Variants in SVIL observed in about 807,000 individuals in gnomAD.
SVIL encodes archvillin.
Under a neutral mutation model 240.4 loss-of-function variants are expected in SVIL, and 101 were observed. That is an observed-to-expected ratio of 0.42 (90% CI 0.36 to 0.50). The LOEUF (loss-of-function observed/expected upper bound fraction) is 0.50. Among genes scored for constraint, SVIL ranks in the 20% least tolerant of loss-of-function variants. The pLI, the probability that SVIL is intolerant of heterozygous loss-of-function variation, is 0.01. For synonymous variants in SVIL, 999 were observed against 1,100.0 expected (o/e 0.91, Z 1.82); for missense variants, 2,512 against 2,818.7 (o/e 0.89, Z 2.46).
intron 1 of SVIL, among the ~76,000 whole-genome samples, chr10:29,691,235 G>A (rs575939098): frequency 2.7e-4 from 39 of 146,874 alleles, no homozygotes; most frequent in Non-Finnish European, 4.3e-4. Context: ...TTTTTGAGAC[G>A]GAGTCTCACT....
intron 1 of SVIL, among the ~76,000 whole-genome samples, chr10:29,577,094 G>A (rs1955732728): frequency 6.6e-6 from 1 of 151,938 alleles, no homozygotes; most frequent in African/African-American, 2.4e-5. Context: ...TTGACCAGGA[G>A]GGTCTCGATC....
chr10:29,545,929 C>A (rs1218854229), intron 6 of SVIL, among the ~76,000 whole-genome samples: 1 of 151,444 alleles, frequency 6.6e-6, no homozygotes, highest in African/African-American at 2.4e-5. Context: ...TCATTTCATT[C>A]CCTTTGCCAG....
intron 21 of SVIL, among the ~76,000 whole-genome samples, chr10:29,491,497 C>T (rs1311933475): frequency 5.9e-5 from 9 of 152,222 alleles, no homozygotes; most frequent in Non-Finnish European, 8.8e-5. Flanking sequence ...CAATAGCTTT[C>T]GGTCCCCTTA....
At chr10:29,735,810 C>T (rs1964875243), upstream of SVIL, 1 of 152,034 alleles carries the variant, frequency 6.6e-6, no homozygotes, top group Non-Finnish European at 1.5e-5. This position sits in a 1 kb window ranked among gnomAD's most constrained non-coding sequence, Gnocchi z 4.1. Flanking sequence ...GACAGCGGCT[C>T]GGCGGCCCCG....
At position 29,546,377 on chromosome 10, in the gene SVIL, C is replaced by T. The variant is rs74132322; in HGVS notation, c.827+4220G>A. On this transcript the variant is annotated intron_variant, in intron 6 of 37. Transcript: ENST00000355867. ...CGTTACTATGTGTATTCTTAGTTTT[C>T]TTCAGAGCAATGTGTCCAACTGAAT... Among the ~76,000 whole-genome samples, 987 of 152,230 alleles carry T rather than the reference C, an allele frequency of 6.5e-3. 12 individuals carry two copies. The highest frequency in any genetic ancestry group is 0.022 in the African/African-American group (920 of 41,542).
rs367649707 is a variant in SVIL, at chr10:29,722,421, A to T, written c.-400+13330T>A. The stretch of plus-strand genomic sequence containing the variant: ...GTTAAGAAATTTTGGCTTAACATTG[A>T]CCCAAACTTTCTTCCAAAAAGCTAG... On this transcript the variant is annotated intron_variant, in intron 1 of 35. Transcript: ENST00000375400. 3.9e-5 allele frequency among the ~76,000 whole-genome samples: 6 copies of T among 152,200 alleles called. No individual in the cohort carries two copies. The East Asian group carries it at 1.2e-3, about 29-fold the overall frequency.
At chr10:29,630,668 G>T (rs1330308874) in intron 1 of SVIL, among the ~76,000 whole-genome samples, 1 of 151,938 alleles carries the variant, frequency 6.6e-6, no homozygotes, top group Non-Finnish European at 1.5e-5. Context: ...AAAAGCACGT[G>T]TACAGAAACC....
intron 1 of SVIL, among the ~76,000 whole-genome samples, chr10:29,590,165 CAAAAAAAAAAAAAAAAA>C (rs58469441): frequency 2.1e-4 from 17 of 79,668 alleles, no homozygotes; most frequent in Admixed American, 8.3e-4. Flanking sequence ...GACTCCGTCT[CAAAAAAAAAAAAAAAAA>C]AAAAAAAAAA....
intron 1 of SVIL, among the ~76,000 whole-genome samples, chr10:29,607,059 CATTG>C (rs1168554225): frequency 1.3e-5 from 2 of 152,204 alleles, no homozygotes; most frequent in Admixed American, 1.3e-4. Flanking sequence ...CTGGCCTACA[CATTG>C]AACTATTTAA....
intron 12 of SVIL, 109 bp from the exon 13 acceptor site, chr10:29,527,165 A>G (rs1393575927): frequency 6.9e-6 from 7 of 1,018,484 alleles, no homozygotes; most frequent in Non-Finnish European, 1.4e-6. Context: ...AAATTTTAAC[A>G]GAATATTTTG....
intron 6 of SVIL, among the ~76,000 whole-genome samples, chr10:29,538,813 C>A (rs934851685): frequency 6.6e-6 from 1 of 152,118 alleles, no homozygotes; most frequent in Non-Finnish European, 1.5e-5. Context: ...TATTGGGATG[C>A]GACCCCATTC....
intron 23 of SVIL, chr10:29,487,623 G>A (rs560067574): frequency 5.8e-4 from 128 of 219,362 alleles, no homozygotes; most frequent in Non-Finnish European, 1.1e-3. Flanking sequence ...CTCTTCTCCC[G>A]GGGCCTTTCT....
intron 6 of SVIL, among the ~76,000 whole-genome samples, chr10:29,542,575 G>C (rs1952259440): frequency 6.6e-6 from 1 of 151,840 alleles, no homozygotes; most frequent in Non-Finnish European, 1.5e-5. Context: ...GTATTTATGG[G>C]GTATCTGAGA....
chr10:29,470,573 G>A (rs561546170), intron 31 of SVIL, 90 bp from the exon 32 acceptor site: 1 of 1,464,488 alleles, frequency 6.8e-7, no homozygotes, highest in Admixed American at 1.9e-5. Flanking sequence ...TGTCGTCCAA[G>A]GCAGCCACCT....
chr10:29,688,112 G>T (rs183728757), intron 1 of SVIL, among the ~76,000 whole-genome samples: 3 of 152,246 alleles, frequency 2.0e-5, no homozygotes, highest in African/African-American at 4.8e-5. Flanking sequence ...TAATTATAAT[G>T]GTTGAACAAA....
At chr10:29,554,754 G>A in intron 5 of SVIL, 29 bp downstream of exon 5, 2 of 1,509,830 alleles carry the variant, frequency 1.3e-6, no homozygotes, top group Non-Finnish European at 1.8e-6. Flanking sequence ...CAGCCTGCTG[G>A]AAAATGGGCC....
At chr10:29,579,340 A>T (rs773334406) in intron 1 of SVIL, among the ~76,000 whole-genome samples, 4 of 152,208 alleles carry the variant, frequency 2.6e-5, no homozygotes, top group Non-Finnish European at 4.4e-5. Context: ...CGGGAGGCTG[A>T]GACAGGAGAA....
At position 29,467,744 on chromosome 10, in the gene SVIL, T is replaced by C. The variant is rs1242845755; in HGVS notation, c.5975A>G (p.Gln1992Arg). 6.2e-7 allele frequency: 1 copy of C among 1,613,952 alleles called. No individual in the cohort carries two copies. The highest frequency in any genetic ancestry group is 2.2e-5 in the East Asian group (1 of 44,892). The change falls in exon 33 of 38, where the codon CAA (glutamine) becomes CGA (arginine). Residue 1992 changes from glutamine to arginine, a missense_variant and splice_region_variant. This residue lies in a region of SVIL where 797 missense variants were observed against 925.3 expected (regional missense o/e 0.86). Coordinates refer to ENST00000355867, the MANE Select transcript of SVIL (RefSeq NM_021738.3). ...GCAGACTGTGGATGCCACATTACCT[T>C]GAAGCATGCAATCGTAGGCTTTCCT... The part of the protein sequence containing the change: ...RDRKAYDCML[Q>R]DPGSFNFAPR...
intron 29 of SVIL, 80 bp from the exon 30 acceptor site, chr10:29,474,069 G>A (rs1945894459): frequency 1.3e-6 from 2 of 1,533,334 alleles, no homozygotes; most frequent in African/African-American, 1.4e-5. Flanking sequence ...CACTTTCCCC[G>A]GGCCTGCAAG....
Sources: allele counts gnomAD v4.1 joint callset (sites outside exome capture counted in the v4.1 genomes callset), GRCh38; gene constraint gnomAD v4.1.1; regional missense constraint gnomAD v4.1.1; non-coding constraint Gnocchi (gnomAD v3.1); transcripts MANE v1.5; gene names NCBI Gene and HGNC (gene_info 2026-07-23, HGNC 2026-07-21).